RERG: variants seen among roughly 807,000 people sequenced by gnomAD.
The protein encoded by RERG is RAS like estrogen regulated growth inhibitor.
In RERG, 25 loss-of-function variants were observed where a neutral mutation model predicts 23.2. That is an observed-to-expected ratio of 1.08 (90% confidence interval 0.79 to 1.50). RERG has a LOEUF of 1.50. RERG is among the 40% of genes most tolerant of loss of function. RERG has a pLI of 0.00. For missense variants in RERG, 253 were observed against 250.1 expected, an observed-to-expected ratio of 1.01 and a Z score of -0.08; for synonymous variants, 81 against 89.1, an observed-to-expected ratio of 0.91 and a Z score of 0.51.
chr12:15,181,551 C>T (rs1384203355), intron 2 of RERG, among the ~76,000 whole-genome samples: 1 of 152,178 alleles, frequency 6.6e-6, no homozygotes, highest in Non-Finnish European at 1.5e-5. Context: ...TCATGCTTAA[C>T]CTCCCTCTCC....
At chr12:15,120,493 A>AT (rs1037512642) in intron 3 of RERG, among the ~76,000 whole-genome samples, 53 of 15,624 alleles carry the variant, frequency 3.4e-3, no homozygotes, top group Admixed American at 0.024. Context: ...AAACAAAGAA[A>AT]TTAAAAAAAA....
chr12:15,207,925 C>A (rs1865314815), intron 2 of RERG, among the ~76,000 whole-genome samples: 1 of 152,064 alleles, frequency 6.6e-6, no homozygotes. Context: ...ACAGGAAGAA[C>A]TGTTGGGATA....
chr12:15,195,551 CTGTGTGTGTGTGTGTGTG>C (rs71042238), intron 2 of RERG, among the ~76,000 whole-genome samples: 52 of 128,316 alleles, frequency 4.1e-4, no homozygotes, highest in African/African-American at 8.6e-4. Flanking sequence ...GCAAGCTTGG[CTGTGTGTGTGTGTGTGTG>C]TGTGTGTGTG....
intron 4 of RERG, among the ~76,000 whole-genome samples, chr12:15,110,455 ATTTTTTTCTTTTT>A (rs1200659549): frequency 2.3e-3 from 136 of 59,328 alleles, no homozygotes; most frequent in Admixed American, 0.022. Context: ...TCCAGTGGCC[ATTTTTTTCTTTTT>A]TTTTTTTTTT....
At chr12:15,166,550 T>TTGGTGGTGGTGTTGGTGGTGG (rs1864695250) in intron 2 of RERG, among the ~76,000 whole-genome samples, 1 of 120,762 alleles carries the variant, frequency 8.3e-6, no homozygotes, top group Non-Finnish European at 1.9e-5. Flanking sequence ...GGTAGTGGTG[T>TTGGTGGTGGTGTTGGTGGTGG]TGGTGGTGGT....
intron 2 of RERG, among the ~76,000 whole-genome samples, chr12:15,178,760 T>TGTA (rs1864885929): frequency 6.6e-6 from 1 of 152,172 alleles, no homozygotes; most frequent in Admixed American, 6.5e-5. Context: ...TCCAAGTTCC[T>TGTA]CAATGTATGT....
At chr12:15,170,222 C>A (rs1281540099) in intron 2 of RERG, among the ~76,000 whole-genome samples, 3 of 151,788 alleles carry the variant, frequency 2.0e-5, no homozygotes, top group African/African-American at 7.3e-5. Context: ...ATTAGAAGAG[C>A]GAACCCAAAT....
chr12:15,136,849 T>C (rs1864151988), intron 2 of RERG, among the ~76,000 whole-genome samples: 1 of 151,970 alleles, frequency 6.6e-6, no homozygotes, highest in African/African-American at 2.4e-5. Context: ...CTGTGTAAGC[T>C]GAAGAAGAAA....
At chr12:15,217,630 A>G in intron 1 of RERG, 27 bp from the exon 2 acceptor site, 1 of 652,322 alleles carries the variant, frequency 1.5e-6, no homozygotes, top group Non-Finnish European at 2.7e-6. Context: ...TTGGGAATTC[A>G]TAAGTGACTG....
intron 2 of RERG, among the ~76,000 whole-genome samples, chr12:15,195,030 G>C (rs1299196831): frequency 6.6e-6 from 1 of 152,034 alleles, no homozygotes; most frequent in African/African-American, 2.4e-5. Flanking sequence ...CAAACACTTT[G>C]TGGAAAGGTT....
At chr12:15,152,904 C>T (rs980453359) in intron 2 of RERG, among the ~76,000 whole-genome samples, 1 of 152,052 alleles carries the variant, frequency 6.6e-6, no homozygotes, top group Non-Finnish European at 1.5e-5. Flanking sequence ...ATTAAATTCT[C>T]TACTGTTTCT....
chr12:15,193,473 A>G (rs1865100738), intron 2 of RERG, among the ~76,000 whole-genome samples: 1 of 152,088 alleles, frequency 6.6e-6, no homozygotes, highest in South Asian at 2.1e-4. Flanking sequence ...CCAACCTTGA[A>G]TCTAATCACT....
At chr12:15,189,851 C>G (rs983638446) in intron 2 of RERG, among the ~76,000 whole-genome samples, 2 of 152,172 alleles carry the variant, frequency 1.3e-5, no homozygotes, top group Admixed American at 6.5e-5. Context: ...AAGGCCACAG[C>G]CTCCTGGTTA....
chr12:15,210,321 T>A (rs1440121030), intron 2 of RERG, among the ~76,000 whole-genome samples: 2 of 152,228 alleles, frequency 1.3e-5, no homozygotes, highest in African/African-American at 4.8e-5. Flanking sequence ...AACATTGCAA[T>A]GAATAAATTA....
At chr12:15,184,028 C>A (rs979616421) in intron 2 of RERG, among the ~76,000 whole-genome samples, 2 of 152,282 alleles carry the variant, frequency 1.3e-5, no homozygotes, top group South Asian at 4.2e-4. Context: ...ATGCATTCTA[C>A]ATCCCTGTCA....
intron 4 of RERG, among the ~76,000 whole-genome samples, chr12:15,110,429 T>C (rs1466668643): frequency 6.6e-6 from 1 of 151,384 alleles, no homozygotes; most frequent in African/African-American, 2.4e-5. Context: ...CATGGAAAAC[T>C]TTAGCTTTCT....
chr12:15,161,150 G>GAAAGAAAGAAAGAAAT (rs1284958960), intron 2 of RERG, among the ~76,000 whole-genome samples: 2 of 77,832 alleles, frequency 2.6e-5, no homozygotes, highest in Non-Finnish European at 5.1e-5. Flanking sequence ...AAGAAAGAAA[G>GAAAGAAAGAAAGAAAT]AAAGAAAGAA....
At chr12:15,122,495 T>C (rs1014757684) in intron 2 of RERG, among the ~76,000 whole-genome samples, 1 of 152,132 alleles carries the variant, frequency 6.6e-6, no homozygotes, top group East Asian at 1.9e-4. Context: ...AAACTACCAA[T>C]GTTCTTTGTA....
chr12:15,178,282 C>T (rs1209588970), intron 2 of RERG, among the ~76,000 whole-genome samples: 1 of 152,090 alleles, frequency 6.6e-6, no homozygotes, highest in Non-Finnish European at 1.5e-5. Context: ...GACCTCTTCA[C>T]CCCCACTTAA....
Sources: gnomAD v4.1 joint callset for allele counts (sites outside exome capture counted in the v4.1 genomes callset) on GRCh38, gnomAD v4.1.1 for gene constraint, MANE v1.5 for transcripts, NCBI Gene and HGNC (gene_info 2026-07-23, HGNC 2026-07-21) for gene names.